BCL9: variants seen among roughly 807,000 people sequenced by gnomAD.
The protein encoded by BCL9 is BCL9 transcription coactivator.
Under a neutral mutation model 88.5 loss-of-function variants are expected in BCL9, and 25 were observed. That is an observed-to-expected ratio of 0.28 (90% CI 0.21 to 0.39). The LOEUF is 0.39. Ranked by LOEUF, BCL9 falls within the 10% of genes least tolerant of loss-of-function variation. BCL9 has a pLI of 1.00. For missense variants in BCL9, 1,817 were observed against 1,877.8 expected, an observed-to-expected ratio of 0.97 and a Z score of 0.60; for synonymous variants, 711 against 673.3, an observed-to-expected ratio of 1.06 and a Z score of -0.87.
intron 1 of BCL9, among the ~76,000 whole-genome samples, chr1:147,591,308 A>G (rs1164943770): frequency 6.6e-6 from 1 of 152,122 alleles, no homozygotes; most frequent in African/African-American, 2.4e-5. Context: ...TTATTTATCT[A>G]TCTGTATTCC....
rs1658020582 is a variant in BCL9, at chr1:147,611,871, C to T, written c.35C>T (p.Pro12Leu). The stretch of plus-strand genomic sequence containing the variant: ...AGTAACCCTAAAGTGAGGAGCTCTC[C>T]ATCAGGAAACACACAGAGGTAAGGG... Reference protein sequence around the residue: ...HSSNPKVRSSPSGNTQSSPKS... With the variant: ...HSSNPKVRSSLSGNTQSSPKS... The change falls in exon 4 of 10, where the codon CCA becomes CTA. Residue 12 changes from proline to leucine, a missense_variant. Physicochemically the swap from Pro to Leu is moderately conservative, Grantham distance 98. Transcript: ENST00000234739. 1 of 1,614,186 alleles carries T rather than the reference C, an allele frequency of 6.2e-7. No individual in the cohort carries two copies.
At position 147,601,969 on chromosome 1, in the gene BCL9, C is replaced by G. The variant is rs782467277; in HGVS notation, c.-477-2808C>G. Among the ~76,000 whole-genome samples the G allele has an allele frequency of 2.0e-5, 3 of 152,164 alleles. 1 individual carries two copies. In the South Asian group the frequency reaches 6.2e-4, roughly 31 times the overall value. On this transcript the variant is annotated intron_variant, in intron 1 of 9. Coordinates refer to ENST00000234739, the MANE Select transcript of BCL9 (RefSeq NM_004326.4). The stretch of plus-strand genomic sequence containing the variant: ...AGGCTGAAGTTCAGTGGTGCAATAT[C>G]GGCTCACTGCAACCTCCGCCTCCCA...
At chr1:147,591,767 C>A (rs1656853805) in intron 1 of BCL9, among the ~76,000 whole-genome samples, 1 of 152,172 alleles carries the variant, frequency 6.6e-6, no homozygotes, top group South Asian at 2.1e-4. Flanking sequence ...GCCAGTTTGG[C>A]TTCTGATCCT....
chr1:147,582,872 A>G (rs1260482377), intron 1 of BCL9, among the ~76,000 whole-genome samples: 1 of 152,218 alleles, frequency 6.6e-6, no homozygotes, highest in Non-Finnish European at 1.5e-5. Context: ...CTGCTTTAGT[A>G]TGTAATCCTA....
chr1:147,620,573 C>G lies in BCL9; in HGVS notation c.2418C>G (p.Pro806=), dbSNP rs139201962. The part of the protein sequence containing the change: ...GLRNLREPIG[P]DQRTNSRLSH... ...GGAATCTCAGAGAACCAATTGGGCC[C>G]GACCAGAGGACTAACAGCCGGCTCA... Residue 806 remains proline (P), a synonymous_variant, in exon 8 of 10, where the codon CCC becomes CCG. Coordinates refer to ENST00000234739, the MANE Select transcript of BCL9 (RefSeq NM_004326.4). 67 of 1,614,098 alleles carry G rather than the reference C, an allele frequency of 4.2e-5. No individual in the cohort carries two copies. Among genetic ancestry groups the G allele is most frequent in the Non-Finnish European group, 5.7e-5 (67 of 1,180,002 alleles).
chr1:147,606,558 T>C (rs1657720952), intron 2 of BCL9, among the ~76,000 whole-genome samples: 1 of 152,170 alleles, frequency 6.6e-6, no homozygotes, highest in South Asian at 2.1e-4. Context: ...AAATGTGCAG[T>C]TGGGAAGGAG....
chr1:147,543,316 T>G (rs1654416603), intron 1 of BCL9, among the ~76,000 whole-genome samples: 1 of 152,212 alleles, frequency 6.6e-6, no homozygotes, highest in South Asian at 2.1e-4. Context: ...TGTAAAAGTC[T>G]AGGAGGCTGT....
rs782208911 is a variant in BCL9 at position 147,621,186 on chromosome 1, T to C, written c.2902+129T>C. ...GCAGTCTTTGTTGAAATGGCCATAT[T>C]TGTGGCAAGGTGCATAATCAGTGCT... On this transcript the variant is annotated intron_variant, in intron 8 of 9. Transcript: ENST00000234739. 7.4e-5 allele frequency: 80 copies of C among 1,075,400 alleles called. No individual in the cohort carries two copies. In the South Asian group the frequency reaches 1.1e-3, roughly 15 times the overall value. The allele number at this position is 1,075,400 out of a possible 1,614,324, so 66.6% of individuals were successfully genotyped here. A position where few individuals can be genotyped will look rare whatever the true frequency, so the allele number is the denominator to read the frequency against.
At chr1:147,589,222 G>T (rs939877617) in intron 1 of BCL9, among the ~76,000 whole-genome samples, 6 of 152,032 alleles carry the variant, frequency 3.9e-5, no homozygotes, top group Non-Finnish European at 8.8e-5. Flanking sequence ...TGCACCTCCA[G>T]CCTGTCCTCT....
At chr1:147,598,540 A>G (rs1374560072) in intron 1 of BCL9, among the ~76,000 whole-genome samples, 1 of 152,208 alleles carries the variant, frequency 6.6e-6, no homozygotes, top group Non-Finnish European at 1.5e-5. Flanking sequence ...AAGGTTGCCC[A>G]AGGAAGGTTT....
intron 1 of BCL9, among the ~76,000 whole-genome samples, chr1:147,566,320 T>G (rs782552557): frequency 3.6e-4 from 55 of 152,172 alleles, no homozygotes; most frequent in Non-Finnish European, 6.6e-4. Flanking sequence ...GCTGGGTACC[T>G]GAGAATAAAA....
intron 3 of BCL9, among the ~76,000 whole-genome samples, chr1:147,607,145 A>AT (rs1163056282): frequency 6.6e-6 from 1 of 152,132 alleles, no homozygotes; most frequent in Non-Finnish European, 1.5e-5. Context: ...GTTCATGTAC[A>AT]TTGTTGCAGA....
chr1:147,598,060 C>G (rs1022954320), intron 1 of BCL9, among the ~76,000 whole-genome samples: 1 of 152,200 alleles, frequency 6.6e-6, no homozygotes, highest in African/African-American at 2.4e-5. Flanking sequence ...CTCTTATAGA[C>G]AAGTTCTGTG....
intron 4 of BCL9, 78 bp downstream of exon 4, chr1:147,611,967 C>A: frequency 7.1e-7 from 1 of 1,418,296 alleles, no homozygotes; most frequent in Non-Finnish European, 9.9e-7. Flanking sequence ...ATTGGTGAAA[C>A]AGTATGTTGA....
intron 1 of BCL9, among the ~76,000 whole-genome samples, chr1:147,542,866 G>A (rs1440313503): frequency 6.6e-6 from 1 of 152,130 alleles, no homozygotes; most frequent in Non-Finnish European, 1.5e-5. Context: ...TCTGGGGCTG[G>A]CAGGGCATGC....
intron 1 of BCL9, among the ~76,000 whole-genome samples, chr1:147,542,765 A>G (rs1553193924): frequency 6.6e-6 from 1 of 151,934 alleles, no homozygotes; most frequent in African/African-American, 2.4e-5. Context: ...TCCTCCTTGT[A>G]CGTATTTTTG....
chr1:147,553,918 A>G (rs1016597088), intron 1 of BCL9, among the ~76,000 whole-genome samples: 12 of 152,196 alleles, frequency 7.9e-5, no homozygotes, highest in Admixed American at 3.3e-4. Context: ...ACAAGTGCAA[A>G]CTAATGTACA....
chr1:147,547,651 G>T (rs922583012), intron 1 of BCL9, among the ~76,000 whole-genome samples: 7 of 152,058 alleles, frequency 4.6e-5, no homozygotes, highest in South Asian at 2.1e-4. Flanking sequence ...CTTTATTCTG[G>T]GTTGCTTAAA....
chr1:147,559,932 A>G (rs1553195874), intron 1 of BCL9, among the ~76,000 whole-genome samples: 6 of 152,228 alleles, frequency 3.9e-5, no homozygotes. Context: ...AGAGACTTTC[A>G]GAAGCTTAGT....
Sources: gnomAD v4.1 joint callset for allele counts (sites outside exome capture counted in the v4.1 genomes callset) on GRCh38, gnomAD v4.1.1 for gene constraint, MANE v1.5 for transcripts, NCBI Gene and HGNC (gene_info 2026-07-23, HGNC 2026-07-21) for gene names.